DLG2: variants seen among roughly 807,000 people sequenced by gnomAD.
DLG2 encodes discs large MAGUK scaffold protein 2, also known as disks large homolog 2.
In DLG2, 45 loss-of-function variants were observed where a neutral mutation model predicts 132.5. The observed-to-expected ratio is 0.34, with a 90% CI of 0.27 to 0.44. The LOEUF (loss-of-function observed/expected upper bound fraction) is 0.44, where lower values mean the gene tolerates loss of function less well. DLG2 is among the 20% of genes least tolerant of loss of function. DLG2 has a pLI of 1.00. For synonymous variants in DLG2, 424 were observed against 419.6 expected, an observed-to-expected ratio of 1.01 and a Z score of -0.13; for missense variants, 1,045 against 1,196.9, an observed-to-expected ratio of 0.87 and a Z score of 1.87.
intron 7 of DLG2, among the ~76,000 whole-genome samples, chr11:84,502,334 CTTTCTTTCTTTCTTTCTTTCTTT>C (rs2099218227): frequency 3.9e-5 from 1 of 25,652 alleles, no homozygotes; most frequent in Non-Finnish European, 7.0e-5. Context: ...TTCTTTCTTT[CTTTCTTTCTTTCTTTCTTTCTTT>C]CTTTCTTTCT....
intron 19 of DLG2, among the ~76,000 whole-genome samples, chr11:83,626,704 G>T (rs925049572): frequency 2.0e-5 from 3 of 152,184 alleles, no homozygotes; most frequent in African/African-American, 4.8e-5. Flanking sequence ...GGAAATAGAA[G>T]AAATCATGTG....
intron 16 of DLG2, among the ~76,000 whole-genome samples, chr11:83,834,066 G>A (rs1668447003): frequency 6.6e-6 from 1 of 152,038 alleles, no homozygotes; most frequent in Non-Finnish European, 1.5e-5. Flanking sequence ...TTTGTATCAA[G>A]CACCACAGTA....
chr11:84,097,298 G>A (rs1359804584), intron 10 of DLG2, among the ~76,000 whole-genome samples: 1 of 152,080 alleles, frequency 6.6e-6, no homozygotes, highest in Non-Finnish European at 1.5e-5. Context: ...GTCAGTTTAT[G>A]AAAAATTTCT....
chr11:83,852,080 C>A (rs2059883347), intron 16 of DLG2, among the ~76,000 whole-genome samples: 1 of 152,106 alleles, frequency 6.6e-6, no homozygotes, highest in African/African-American at 2.4e-5. Flanking sequence ...AAGGAGAGTC[C>A]CCTACAGGTT....
rs556400769 is a variant in DLG2, at chr11:85,499,301, GA to G, written c.40+99355del. Among the ~76,000 whole-genome samples, 564 of 152,238 alleles carry G rather than the reference GA, an allele frequency of 3.7e-3. 5 individuals carry two copies. The highest frequency in any genetic ancestry group is 0.013 in the African/African-American group (534 of 41,550). Reference sequence around the variant, plus strand: ...CCCACAGAAATACAAACTACCATCAGAGAATACTATAAACACTTCTATGCAA... The same window carrying G: ...CCCACAGAAATACAAACTACCATCAGGAATACTATAAACACTTCTATGCAA... On this transcript the variant is annotated intron_variant, in intron 3 of 27. Coordinates refer to ENST00000376104, the MANE Select transcript of DLG2 (RefSeq NM_001142699.3).
At chr11:84,670,000 A>G (rs1455972923) in intron 6 of DLG2, among the ~76,000 whole-genome samples, 1 of 152,194 alleles carries the variant, frequency 6.6e-6, no homozygotes, top group Non-Finnish European at 1.5e-5. Flanking sequence ...TGTAGAAAGA[A>G]CCAGAAGAAG....
intron 6 of DLG2, among the ~76,000 whole-genome samples, chr11:84,610,410 A>T (rs920567599): frequency 6.6e-6 from 1 of 152,078 alleles, no homozygotes; most frequent in Non-Finnish European, 1.5e-5. Context: ...AAAATTTTTT[A>T]AAAAACATGA....
chr11:85,061,040 T>C (rs1593417434), intron 6 of DLG2, among the ~76,000 whole-genome samples: 1 of 151,830 alleles, frequency 6.6e-6, no homozygotes. Flanking sequence ...ATGCCTTCTA[T>C]GGAGAAATGT....
chr11:84,837,646 A>C (rs914028164), intron 6 of DLG2, among the ~76,000 whole-genome samples: 1 of 151,840 alleles, frequency 6.6e-6, no homozygotes, highest in African/African-American at 2.4e-5. Context: ...ATGCTGAGTA[A>C]AGAAGGAAGG....
chr11:85,071,133 G>A (rs2065806246), intron 6 of DLG2, among the ~76,000 whole-genome samples: 1 of 151,858 alleles, frequency 6.6e-6, no homozygotes. Flanking sequence ...TCTATATAAA[G>A]CTATCAGAAC....
At chr11:83,628,751 G>GACAC (rs1193733319) in intron 19 of DLG2, among the ~76,000 whole-genome samples, 1 of 152,134 alleles carries the variant, frequency 6.6e-6, no homozygotes, top group Middle Eastern at 3.2e-3. Flanking sequence ...AGGTAGTAAA[G>GACAC]ACACTCTCTT....
chr11:85,302,831 A>G (rs747633997), intron 3 of DLG2, among the ~76,000 whole-genome samples: 1 of 151,388 alleles, frequency 6.6e-6, no homozygotes, highest in Non-Finnish European at 1.5e-5. Context: ...AACAATCATA[A>G]TAAAGGCTTA....
At chr11:84,739,818 A>G (rs1036691900) in intron 6 of DLG2, among the ~76,000 whole-genome samples, 6 of 152,148 alleles carry the variant, frequency 3.9e-5, no homozygotes, top group Non-Finnish European at 8.8e-5. Flanking sequence ...TCTCACCTCT[A>G]TGGGCATTGA....
chr11:85,210,165 C>T (rs1263531121), intron 4 of DLG2, among the ~76,000 whole-genome samples: 3 of 152,090 alleles, frequency 2.0e-5, no homozygotes, highest in Admixed American at 1.3e-4. Flanking sequence ...CCAGTAAAGA[C>T]ATATTTTTTT....
intron 10 of DLG2, among the ~76,000 whole-genome samples, chr11:84,072,943 G>A (rs1026193413): frequency 1.4e-4 from 21 of 152,186 alleles, no homozygotes; most frequent in African/African-American, 5.1e-4. Context: ...TCTAATAGAT[G>A]TGCTGATGGA....
At chr11:85,601,322 A>G (rs1363908466) in intron 2 of DLG2, among the ~76,000 whole-genome samples, 1 of 151,832 alleles carries the variant, frequency 6.6e-6, no homozygotes, top group Non-Finnish European at 1.5e-5. Context: ...GTTTATGCAT[A>G]ATTTTTAAGT....
intron 11 of DLG2, among the ~76,000 whole-genome samples, chr11:84,052,780 T>C (rs537047762): frequency 1.8e-4 from 27 of 151,438 alleles, no homozygotes; most frequent in African/African-American, 6.1e-4. Flanking sequence ...AGTTTAACCA[T>C]TGTGGAAGAC....
intron 6 of DLG2, among the ~76,000 whole-genome samples, chr11:84,918,533 G>A (rs1278167536): frequency 6.6e-6 from 1 of 152,100 alleles, no homozygotes; most frequent in African/African-American, 2.4e-5. Context: ...AGAGAGGGTG[G>A]GGTGTTTGGA....
At chr11:85,377,323 C>T (rs546825537) in intron 3 of DLG2, among the ~76,000 whole-genome samples, 30 of 152,198 alleles carry the variant, frequency 2.0e-4, no homozygotes, top group African/African-American at 6.7e-4. Flanking sequence ...GGTTTTAAGG[C>T]CTCAGTCAAC....
Sources: gnomAD v4.1 joint callset for allele counts (sites outside exome capture counted in the v4.1 genomes callset) on GRCh38, gnomAD v4.1.1 for gene constraint, MANE v1.5 for transcripts, NCBI Gene and HGNC (gene_info 2026-07-23, HGNC 2026-07-21) for gene names.